The following RIMS2 variants were observed in gnomAD, a reference collection of about 807,000 sequenced individuals.
RIMS2 encodes regulating synaptic membrane exocytosis 2.
In RIMS2, 59 loss-of-function variants were observed where a neutral mutation model predicts 174.4. That is an observed-to-expected ratio of 0.34 (90% CI 0.27 to 0.42). The LOEUF is 0.42. Ranked by LOEUF, RIMS2 falls within the 10% of genes least tolerant of loss-of-function variation. The pLI is 1.00. For missense variants in RIMS2, 1,620 were observed against 1,666.3 expected (o/e 0.97, Z 0.48); for synonymous variants, 606 against 572.5 (o/e 1.06, Z -0.84).
At chr8:103,525,701 T>C (rs1488457888) in intron 1 of RIMS2, among the ~76,000 whole-genome samples, 1 of 152,194 alleles carries the variant, frequency 6.6e-6, no homozygotes, top group Admixed American at 6.5e-5. Context: ...TAGCAATAGG[T>C]AGCTCAAAAC....
intron 19 of RIMS2, among the ~76,000 whole-genome samples, chr8:104,044,207 A>G (rs2096655083): frequency 6.6e-6 from 1 of 151,668 alleles, no homozygotes; most frequent in Non-Finnish European, 1.5e-5. Context: ...AGACCACAGT[A>G]GAAAAGATTA....
At chr8:103,738,918 T>C (rs1179849331) in intron 2 of RIMS2, among the ~76,000 whole-genome samples, 1 of 152,058 alleles carries the variant, frequency 6.6e-6, no homozygotes, top group Non-Finnish European at 1.5e-5. Context: ...GGAACACTTT[T>C]ACACTGTTGG....
At chr8:103,607,163 T>A (rs9774576) in intron 1 of RIMS2, among the ~76,000 whole-genome samples, 1 of 152,038 alleles carries the variant, frequency 6.6e-6, no homozygotes, top group Non-Finnish European at 1.5e-5. Context: ...CCATGTGTAG[T>A]GCTTCCTTCA....
At chr8:104,196,058 A>G (rs959443281) in intron 19 of RIMS2, among the ~76,000 whole-genome samples, 1 of 152,162 alleles carries the variant, frequency 6.6e-6, no homozygotes, top group East Asian at 1.9e-4. Flanking sequence ...ACAGAAAATT[A>G]TTTTTATAAA....
intron 1 of RIMS2, among the ~76,000 whole-genome samples, chr8:103,655,863 C>G (rs1441915903): frequency 6.6e-6 from 1 of 152,008 alleles, no homozygotes; most frequent in Non-Finnish European, 1.5e-5. Context: ...GAGTTTGAAT[C>G]TGAGTCTCAG....
intron 2 of RIMS2, among the ~76,000 whole-genome samples, 157 bp from the exon 6 acceptor site, chr8:103,766,070 A>G (rs181763076): frequency 5.3e-5 from 8 of 152,292 alleles, no homozygotes; most frequent in Admixed American, 3.3e-4. Flanking sequence ...AAAAGAAAGT[A>G]TATATTATTT....
At chr8:104,197,700 GGACTCA>G (rs1175902779) in intron 19 of RIMS2, among the ~76,000 whole-genome samples, 1 of 152,112 alleles carries the variant, frequency 6.6e-6, no homozygotes, top group African/African-American at 2.4e-5. Context: ...TTTAAGCCAG[GGACTCA>G]GAGTGCCAGA....
chr8:103,972,218 A>G (rs1414056066), intron 15 of RIMS2, among the ~76,000 whole-genome samples: 1 of 152,188 alleles, frequency 6.6e-6, no homozygotes, highest in East Asian at 1.9e-4. Flanking sequence ...GTCCAAAACT[A>G]AACTTTTGAT....
chr8:104,171,499 T>C (rs901531724), intron 19 of RIMS2, among the ~76,000 whole-genome samples: 1 of 56,808 alleles, frequency 1.8e-5, no homozygotes, highest in Non-Finnish European at 3.0e-5. Flanking sequence ...TTGATTTTTT[T>C]TGTTATATAT....
chr8:103,645,093 G>T lies in RIMS2; in HGVS notation c.177-51993G>T, dbSNP rs140184642. The stretch of plus-strand genomic sequence containing the variant: ...TTTGCCATTATCTTTTTATCTATTT[G>T]TGAATGTTTTGTTCTAAAAAGAGAT... On this transcript the variant is annotated intron_variant, in intron 1 of 23. Transcript: ENST00000504942. Among the ~76,000 whole-genome samples the T allele has an allele frequency of 4.2e-3, 643 of 151,832 alleles. 4 individuals are homozygous for T. Among genetic ancestry groups the T allele is most frequent in the African/African-American group, 0.015 (611 of 41,434 alleles).
At chr8:104,250,459 A>G (rs151061330) in intron 22 of RIMS2, among the ~76,000 whole-genome samples, 3 of 152,332 alleles carry the variant, frequency 2.0e-5, no homozygotes, top group African/African-American at 7.2e-5. Context: ...TCACTCTGCT[A>G]TAAAAAAATC....
intron 19 of RIMS2, among the ~76,000 whole-genome samples, chr8:104,132,935 T>C (rs1241378598): frequency 6.6e-6 from 1 of 152,176 alleles, no homozygotes; most frequent in African/African-American, 2.4e-5. Context: ...CCAGACCTAA[T>C]GAACCAAAAA....
chr8:103,984,878 C>T (rs1259598295), intron 16 of RIMS2, among the ~76,000 whole-genome samples: 1 of 152,170 alleles, frequency 6.6e-6, no homozygotes, highest in Non-Finnish European at 1.5e-5. Flanking sequence ...GATCCTGTCA[C>T]TTGTAACAAC....
intron 3 of RIMS2, among the ~76,000 whole-genome samples, chr8:103,790,352 C>A (rs1409087844): frequency 6.6e-6 from 1 of 152,144 alleles, no homozygotes; most frequent in Non-Finnish European, 1.5e-5. Context: ...TAGTATCATG[C>A]AATTATGTAG....
In RIMS2 at chr8:104,138,086, C is replaced by G. The variant is rs561285369; in HGVS notation, c.3335-106830C>G. On this transcript the variant is annotated intron_variant, in intron 19 of 23. Coordinates refer to ENST00000504942, the Ensembl canonical transcript of RIMS2. ...TGGCCTATTTCACTTAACATAACGTCCTCCAGTTCCATCCATGTTGTTGTA... is the reference window on the plus strand; with the variant it reads ...TGGCCTATTTCACTTAACATAACGTGCTCCAGTTCCATCCATGTTGTTGTA... Among the ~76,000 whole-genome samples, 3 of 152,252 alleles carry G rather than the reference C, an allele frequency of 2.0e-5. No individual in the cohort carries two copies. The East Asian group carries it at 5.8e-4, about 29-fold the overall frequency.
chr8:104,033,444 G>T (rs745804710), intron 19 of RIMS2, among the ~76,000 whole-genome samples: 2 of 151,768 alleles, frequency 1.3e-5, no homozygotes, highest in Admixed American at 1.3e-4. Context: ...TATGTTTGTG[G>T]CCATATGTAT....
chr8:103,730,017 T>C (rs746834086), intron 2 of RIMS2, among the ~76,000 whole-genome samples: 15 of 152,372 alleles, frequency 9.8e-5, no homozygotes, highest in Middle Eastern at 3.4e-3. Context: ...ATGTATATTC[T>C]GCAGTTGTTG....
At chr8:104,125,896 A>G (rs1031328552) in intron 19 of RIMS2, among the ~76,000 whole-genome samples, 5 of 152,198 alleles carry the variant, frequency 3.3e-5, no homozygotes, top group African/African-American at 1.2e-4. Flanking sequence ...TTGATGAATA[A>G]ATGAATAGCT....
Position 103,912,191 on chromosome 8 carries a change from G to T in RIMS2, c.1812+19G>T. 1 of 1,596,454 alleles carries T rather than the reference G, an allele frequency of 6.3e-7. No homozygotes were observed. The highest frequency in any genetic ancestry group is 8.6e-7 in the Non-Finnish European group (1 of 1,168,236). The stretch of plus-strand genomic sequence containing the variant: ...CTTGAAGGTATGTAATAAAAAGTAT[G>T]AGATTTTGGCTCTATACTCTTACAG... On this transcript the variant is annotated intron_variant, in intron 6 of 23. Transcript: ENST00000504942.
Sources: allele counts gnomAD v4.1 joint callset (sites outside exome capture counted in the v4.1 genomes callset), GRCh38; gene constraint gnomAD v4.1.1; transcripts MANE v1.5; gene names NCBI Gene and HGNC (gene_info 2026-07-23, HGNC 2026-07-21).